The following MICAL3 variants were observed in gnomAD, a reference collection of about 807,000 sequenced individuals.
MICAL3 encodes the protein microtubule associated monooxygenase, calponin and LIM domain containing 3.
MICAL3 carries 62 observed loss-of-function variants against 207.4 expected under a neutral mutation model. The observed-to-expected ratio is 0.30, with a 90% CI of 0.24 to 0.37. The LOEUF is 0.37. Ranked by LOEUF, MICAL3 falls within the 10% of genes least tolerant of loss-of-function variation. The pLI is 1.00. For missense variants in MICAL3, 2,368 were observed against 2,635.6 expected, an observed-to-expected ratio of 0.90 and a Z score of 2.22; for synonymous variants, 1,077 against 1,069.3, an observed-to-expected ratio of 1.01 and a Z score of -0.14.
At chr22:17,879,208 C>T in intron 16 of MICAL3, 1 of 649,422 alleles carries the variant, frequency 1.5e-6, no homozygotes. Flanking sequence ...AATTCTGGCT[C>T]TTGGCTGGGT....
At chr22:17,916,055 C>CAAAAAAAAAA (rs755146574) in intron 1 of MICAL3, among the ~76,000 whole-genome samples, 2 of 57,832 alleles carry the variant, frequency 3.5e-5, no homozygotes, top group African/African-American at 5.2e-5. Flanking sequence ...GATCCAGTCT[C>CAAAAAAAAAA]AAAAAAAAAA....
intron 1 of MICAL3, among the ~76,000 whole-genome samples, chr22:18,011,779 C>A (rs1239880704): frequency 6.7e-6 from 1 of 150,028 alleles, no homozygotes; most frequent in African/African-American, 2.4e-5. Context: ...CTAGTCCCAG[C>A]TACTTGGGAG....
chr22:17,950,104 G>A (rs1934259373), intron 1 of MICAL3, among the ~76,000 whole-genome samples: 1 of 152,074 alleles, frequency 6.6e-6, no homozygotes. Flanking sequence ...TTCAGAAGGA[G>A]GGAAAAACTC....
At chr22:17,898,643 C>T (rs1345091229) in intron 7 of MICAL3, among the ~76,000 whole-genome samples, 1 of 152,254 alleles carries the variant, frequency 6.6e-6, no homozygotes, top group Non-Finnish European at 1.5e-5. Context: ...ACTGGTGTCT[C>T]TGCTTCTGTT....
Position 17,996,672 on chromosome 22 carries a change from C to G in MICAL3, c.-75+27609G>C, listed in dbSNP as rs189255048. Among the ~76,000 whole-genome samples the G allele has an allele frequency of 1.2e-4, 18 of 152,242 alleles. No individual in the cohort carries two copies. The East Asian group carries it at 3.5e-3, about 29-fold the overall frequency. Reference sequence around the variant, plus strand: ...CCACCCATCACCCAGGGGATCCGAGCTGAATTCTAAAGACTGGAACCAAAG... The same window carrying G: ...CCACCCATCACCCAGGGGATCCGAGGTGAATTCTAAAGACTGGAACCAAAG... On this transcript the variant is annotated intron_variant, in intron 1 of 31. Transcript: ENST00000441493.
intron 1 of MICAL3, among the ~76,000 whole-genome samples, chr22:17,941,603 T>C (rs1389440270): frequency 6.6e-6 from 1 of 152,234 alleles, no homozygotes; most frequent in African/African-American, 2.4e-5. Context: ...CAGGCAGTTC[T>C]CAATTTGAGA....
At chr22:17,895,613 G>A (rs1930759483) in intron 9 of MICAL3, among the ~76,000 whole-genome samples, 1 of 151,978 alleles carries the variant, frequency 6.6e-6, no homozygotes, top group South Asian at 2.1e-4. Context: ...CCGGGTAAGA[G>A]CCGAGGAGAG....
At chr22:17,897,518 C>T (rs975212533) in intron 7 of MICAL3, among the ~76,000 whole-genome samples, 7 of 151,362 alleles carry the variant, frequency 4.6e-5, no homozygotes, top group Non-Finnish European at 8.8e-5. Context: ...CATGGCTTTT[C>T]CATTTGCTTG....
In MICAL3 at chr22:17,906,560, T is replaced by G; in HGVS notation, c.253A>C (p.Thr85Pro). The change falls in exon 2 of 32, where the codon ACT becomes CCT. Residue 85 changes from threonine to proline, a missense_variant. Coordinates refer to ENST00000441493, the MANE Select transcript of MICAL3 (RefSeq NM_015241.3). ...GGAGCAAAGCTTACCTTGGTGTTAG[T>G]GCACGCTTTTCCCTTTTTGTAGTCT... is the stretch of plus-strand genomic sequence containing the variant. Reference protein sequence around the residue: ...HKDYKKGKACTNTKCLIIGAG... With the variant: ...HKDYKKGKACPNTKCLIIGAG... The G allele has an allele frequency of 6.2e-7, 1 of 1,611,746 alleles. No individual in the cohort carries two copies. Among genetic ancestry groups the G allele is most frequent in the Non-Finnish European group, 8.5e-7 (1 of 1,178,340 alleles).
chr22:17,876,873 A>AT, intron 16 of MICAL3: 1 of 141,834 alleles, frequency 7.1e-6, no homozygotes, highest in African/African-American at 3.0e-5. Context: ...TAGGGAGGTT[A>AT]GGGAGGTTAG....
At chr22:17,976,044 G>A (rs1267237132) in intron 1 of MICAL3, among the ~76,000 whole-genome samples, 1 of 137,266 alleles carries the variant, frequency 7.3e-6, no homozygotes, top group African/African-American at 3.0e-5. Flanking sequence ...GCCAGACTGG[G>A]TCTCAAAAAA....
At chr22:17,931,850 C>T (rs1933280335) in intron 1 of MICAL3, among the ~76,000 whole-genome samples, 1 of 152,210 alleles carries the variant, frequency 6.6e-6, no homozygotes, top group African/African-American at 2.4e-5. Flanking sequence ...CAGGCAGAGA[C>T]CCATGTGTCT....
chr22:17,937,701 T>G (rs1278922152), intron 1 of MICAL3, among the ~76,000 whole-genome samples: 1 of 152,196 alleles, frequency 6.6e-6, no homozygotes. Flanking sequence ...GATGGATTGC[T>G]ATCAAAAACA....
At chr22:17,964,624 C>T (rs1234065013) in intron 1 of MICAL3, among the ~76,000 whole-genome samples, 1 of 152,216 alleles carries the variant, frequency 6.6e-6, no homozygotes, top group Non-Finnish European at 1.5e-5. Flanking sequence ...CACCTCCACA[C>T]TAGAACCCTC....
At chr22:17,915,280 A>G (rs1417219199) in intron 1 of MICAL3, among the ~76,000 whole-genome samples, 1 of 152,198 alleles carries the variant, frequency 6.6e-6, no homozygotes, top group Admixed American at 6.5e-5. Context: ...CAGGTGCTCA[A>G]TAAGGTTCTG....
chr22:17,900,939 G>A lies in MICAL3; in HGVS notation c.750C>T (p.Ile250=). 6.2e-7 allele frequency: 1 copy of A among 1,614,014 alleles called. No homozygotes were observed. Among genetic ancestry groups the A allele is most frequent in the Non-Finnish European group, 8.5e-7 (1 of 1,179,868 alleles). ...KLAIAITANF[I]NRNTTAEAKV... is the part of the protein sequence containing the mutation. The stretch of plus-strand genomic sequence containing the variant: ...TAGCTTCTGCTGTTGTATTTCGGTT[G>A]ATAAAATTTGCCGTGATGGCGATGG... The change falls in exon 6 of 32, where the codon ATC becomes ATT. Residue 250 remains isoleucine (I), a synonymous_variant. Coordinates refer to ENST00000441493, the MANE Select transcript of MICAL3 (RefSeq NM_015241.3). The surrounding 1 kb of genome is among the most constrained non-coding windows in gnomAD (Gnocchi z 4.0).
chr22:17,919,903 G>T (rs13057517), intron 1 of MICAL3, among the ~76,000 whole-genome samples: 32,257 of 152,204 alleles, frequency 0.21, 3,632 homozygotes, highest in Middle Eastern at 0.28. Flanking sequence ...AAAGAACTGC[G>T]GTATCAGTGT....
In MICAL3 at chr22:17,795,013, G is replaced by A. The variant is rs532473379; in HGVS notation, c.5651-3712C>T. On this transcript the variant is annotated intron_variant, in intron 29 of 31. Coordinates refer to ENST00000441493, the MANE Select transcript of MICAL3 (RefSeq NM_015241.3). ...GCCAACAAGACAAAGAGCTGGCTGAGAGGCCGCTCAGCGGTGCAGCTGCAT... is the reference window on the plus strand; with the variant it reads ...GCCAACAAGACAAAGAGCTGGCTGAAAGGCCGCTCAGCGGTGCAGCTGCAT... Among the ~76,000 whole-genome samples the A allele has an allele frequency of 2.6e-5, 4 of 152,366 alleles. No individual in the cohort carries two copies. In the South Asian group the frequency reaches 8.3e-4, roughly 32 times the overall value.
intron 1 of MICAL3, among the ~76,000 whole-genome samples, chr22:17,932,123 G>C (rs1014470122): frequency 6.6e-6 from 1 of 152,142 alleles, no homozygotes; most frequent in Non-Finnish European, 1.5e-5. Flanking sequence ...AGAAAATACA[G>C]AGAACACCAC....
Sources: allele counts gnomAD v4.1 joint callset (sites outside exome capture counted in the v4.1 genomes callset), GRCh38; gene constraint gnomAD v4.1.1; non-coding constraint Gnocchi (gnomAD v3.1); transcripts MANE v1.5; gene names NCBI Gene and HGNC (gene_info 2026-07-23, HGNC 2026-07-21).